Variants in PDE7A observed in about 807,000 individuals in gnomAD.
PDE7A encodes phosphodiesterase 7A.
Under a neutral mutation model 64.3 loss-of-function variants are expected in PDE7A, and 39 were observed. The observed-to-expected ratio is 0.61, with a 90% CI of 0.47 to 0.79. The LOEUF (loss-of-function observed/expected upper bound fraction) is 0.79, where lower values mean the gene tolerates loss of function less well. PDE7A is among the 30% of genes least tolerant of loss of function. The pLI is 0.00. For missense variants in PDE7A, 470 were observed against 582.8 expected (o/e 0.81, Z 1.99); for synonymous variants, 203 against 206.8 (o/e 0.98, Z 0.16).
At chr8:65,776,903 G>C (rs1160876466) in intron 3 of PDE7A, among the ~76,000 whole-genome samples, 1 of 152,106 alleles carries the variant, frequency 6.6e-6, no homozygotes, top group Non-Finnish European at 1.5e-5. Context: ...GAATAGGAAA[G>C]ATGATGAAAG....
intron 1 of PDE7A, among the ~76,000 whole-genome samples, chr8:65,793,357 CAAAATTAA>C (rs1471578925): frequency 6.7e-6 from 1 of 150,206 alleles, no homozygotes; most frequent in Non-Finnish European, 1.5e-5. Context: ...TGCTGAATTA[CAAAATTAA>C]AAAAATTAAA....
At position 65,783,810 on chromosome 8, in the gene PDE7A, T is replaced by A. The variant is rs145699084; in HGVS notation, c.139-967A>T. Among the ~76,000 whole-genome samples the A allele has an allele frequency of 7.6e-3, 1,153 of 152,300 alleles. 8 individuals are homozygous for A. Among genetic ancestry groups the A allele is most frequent in the Non-Finnish European group, 0.011 (734 of 68,012 alleles). On this transcript the variant is annotated intron_variant, in intron 1 of 12. Coordinates refer to ENST00000401827, the MANE Select transcript of PDE7A (RefSeq NM_001242318.3). ...TTGCAAATTAATAATAACTGATAAATAAATTGATGAATAAATTAGTCACTA... is the reference window on the plus strand; with the variant it reads ...TTGCAAATTAATAATAACTGATAAAAAAATTGATGAATAAATTAGTCACTA...
intron 1 of PDE7A, among the ~76,000 whole-genome samples, chr8:65,823,515 T>C (rs1287277285): frequency 1.3e-5 from 2 of 152,200 alleles, no homozygotes; most frequent in Non-Finnish European, 2.9e-5. Context: ...ATCACAAAAT[T>C]AAAAATACTT....
At chr8:65,828,072 CA>C (rs1810723033) in intron 1 of PDE7A, among the ~76,000 whole-genome samples, 1 of 151,906 alleles carries the variant, frequency 6.6e-6, no homozygotes, top group African/African-American at 2.4e-5. Flanking sequence ...GATACTCTAA[CA>C]GACATGTTAC....
At chr8:65,739,473 G>C in intron 6 of PDE7A, 29 bp downstream of exon 6, 4 of 1,522,824 alleles carry the variant, frequency 2.6e-6, no homozygotes, top group Non-Finnish European at 3.5e-6. Context: ...TGTAAATCTT[G>C]TTACTGTTAA....
At chr8:65,789,696 C>G (rs905706959) in intron 1 of PDE7A, among the ~76,000 whole-genome samples, 1 of 152,180 alleles carries the variant, frequency 6.6e-6, no homozygotes, top group Non-Finnish European at 1.5e-5. Flanking sequence ...TTTCTAATAA[C>G]AAAGTATGCT....
intron 1 of PDE7A, among the ~76,000 whole-genome samples, chr8:65,801,240 C>G (rs1809978309): frequency 6.6e-6 from 1 of 152,164 alleles, no homozygotes; most frequent in Admixed American, 6.5e-5. Context: ...AGCAAAGTCT[C>G]TAAGAATACT....
intron 5 of PDE7A, among the ~76,000 whole-genome samples, chr8:65,740,084 A>G (rs1474660121): frequency 6.7e-6 from 1 of 148,640 alleles, no homozygotes; most frequent in East Asian, 2.1e-4. Flanking sequence ...GGAGGCATCA[A>G]TGACCTCAAG....
intron 1 of PDE7A, among the ~76,000 whole-genome samples, chr8:65,814,566 TACAC>T (rs201496374): frequency 0.085 from 12,480 of 147,180 alleles, 1,636 homozygotes; most frequent in East Asian, 0.55. Context: ...ATATAATACG[TACAC>T]ATATAATACA....
chr8:65,759,630 G>T (rs575739449), intron 3 of PDE7A, among the ~76,000 whole-genome samples: 23 of 152,214 alleles, frequency 1.5e-4, no homozygotes, highest in African/African-American at 5.5e-4. Context: ...TTTTCTACTT[G>T]GGTAGTTGTT....
In PDE7A at chr8:65,724,275, G is replaced by A. The variant is rs751639629; in HGVS notation, c.1142C>T (p.Thr381Met). ...CTTGCCTTGATGGAAGAATTCCTCC[G>A]TTACTTTTTCACTCCACTGCTTGCT... ...ELSKQWSEKVTEEFFHQGDIE... is the reference protein window; with the variant it reads ...ELSKQWSEKVMEEFFHQGDIE... The change falls in exon 11 of 13, where the codon ACG (threonine) becomes ATG (methionine). Residue 381 changes from threonine to methionine, a missense_variant. Physicochemically the swap from Thr to Met is moderately conservative, Grantham distance 81. Transcript: ENST00000401827. The A allele has an allele frequency of 3.6e-5, 58 of 1,610,244 alleles. No individual in the cohort carries two copies. The highest frequency in any genetic ancestry group is 4.4e-5 in the Non-Finnish European group (52 of 1,177,052).
At chr8:65,767,234 T>G (rs1175269517) in intron 3 of PDE7A, among the ~76,000 whole-genome samples, 2 of 152,164 alleles carry the variant, frequency 1.3e-5, no homozygotes, top group Non-Finnish European at 2.9e-5. Context: ...CCTCAGATTT[T>G]TGTTACGTAA....
intron 1 of PDE7A, among the ~76,000 whole-genome samples, chr8:65,825,490 GC>G (rs1283078106): frequency 6.6e-6 from 1 of 152,132 alleles, no homozygotes; most frequent in East Asian, 1.9e-4. Context: ...ACCACTTATA[GC>G]TGTGTTACTT....
chr8:65,777,502 T>C (rs536088191), intron 3 of PDE7A, among the ~76,000 whole-genome samples: 1 of 152,332 alleles, frequency 6.6e-6, no homozygotes, highest in South Asian at 2.1e-4. Flanking sequence ...ATAGATATAA[T>C]TTGATAATAT....
At chr8:65,795,166 A>ACAT (rs1364672405) in intron 1 of PDE7A, among the ~76,000 whole-genome samples, 6 of 152,252 alleles carry the variant, frequency 3.9e-5, no homozygotes, top group Admixed American at 1.3e-4. Flanking sequence ...GATACATGAA[A>ACAT]CATTGTTTTC....
rs1465888096 is a variant in PDE7A at position 65,716,269 on chromosome 8, C to T, written c.*3021G>A. On this transcript the variant is annotated 3_prime_UTR_variant, in exon 13 of 13. Coordinates refer to ENST00000401827, the MANE Select transcript of PDE7A (RefSeq NM_001242318.3). ...AATGGGAGCCACACCCACAGTTCCC[C>T]TGAGAATGTGGAAATAGGATGATCT... 6.6e-6 allele frequency among the ~76,000 whole-genome samples: 1 copy of T among 152,068 alleles called. No individual in the cohort carries two copies. The highest frequency in any genetic ancestry group is 1.5e-5 in the Non-Finnish European group (1 of 68,006).
At chr8:65,781,092 G>A (rs1477383574) in intron 2 of PDE7A, 1 of 152,298 alleles carries the variant, frequency 6.6e-6, no homozygotes, top group Non-Finnish European at 1.5e-5. Flanking sequence ...GGAAGATGAT[G>A]AGTTACATGG....
At chr8:65,793,746 A>G (rs78870792) in intron 1 of PDE7A, among the ~76,000 whole-genome samples, 5,480 of 152,306 alleles carry the variant, frequency 0.036, 142 homozygotes, top group African/African-American at 0.074. Flanking sequence ...AAAAAGAAAG[A>G]CAGAATAGGT....
At chr8:65,728,963 C>CA (rs1162950301) in intron 7 of PDE7A, among the ~76,000 whole-genome samples, 2 of 151,392 alleles carry the variant, frequency 1.3e-5, no homozygotes, top group African/African-American at 2.4e-5. Flanking sequence ...ATCACACATG[C>CA]AAAAAAATAT....
Sources: allele counts gnomAD v4.1 joint callset (sites outside exome capture counted in the v4.1 genomes callset), GRCh38; gene constraint gnomAD v4.1.1; transcripts MANE v1.5; gene names NCBI Gene and HGNC (gene_info 2026-07-23, HGNC 2026-07-21).